TMEM132B: variants seen among roughly 807,000 people sequenced by gnomAD.
TMEM132B encodes transmembrane protein 132B.
A neutral mutation model predicts 90.8 loss-of-function variants in TMEM132B; 18 were observed. The ratio of observed to expected loss-of-function variants is 0.20; its 90% confidence interval spans 0.14 to 0.29. The LOEUF is 0.29. TMEM132B is among the 10% of genes least tolerant of loss of function. TMEM132B has a pLI of 1.00. For synonymous variants in TMEM132B, 504 were observed against 523.3 expected, an observed-to-expected ratio of 0.96 and a Z score of 0.50; for missense variants, 1,096 against 1,326.8, an observed-to-expected ratio of 0.83 and a Z score of 2.70.
chr12:125,633,999 G>A (rs1886424392), intron 5 of TMEM132B, among the ~76,000 whole-genome samples: 1 of 152,192 alleles, frequency 6.6e-6, no homozygotes, highest in Non-Finnish European at 1.5e-5. Flanking sequence ...CCAGGTTGGT[G>A]CCCTTCCCTT....
intron 5 of TMEM132B, among the ~76,000 whole-genome samples, chr12:125,642,753 G>T (rs1322306727): frequency 6.6e-6 from 1 of 152,214 alleles, no homozygotes; most frequent in African/African-American, 2.4e-5. Flanking sequence ...GATTCCTAAA[G>T]ACGTCATTGG....
At chr12:125,345,284 CA>C (rs1877320134) in intron 1 of TMEM132B, among the ~76,000 whole-genome samples, 2 of 152,146 alleles carry the variant, frequency 1.3e-5, no homozygotes, top group African/African-American at 4.8e-5. Flanking sequence ...CCAGTAGCCA[CA>C]AGACTGGCAA....
At chr12:125,243,709 C>T (rs576859889) in intron 1 of TMEM132B, among the ~76,000 whole-genome samples, 2 of 152,198 alleles carry the variant, frequency 1.3e-5, no homozygotes, top group Non-Finnish European at 2.9e-5. Flanking sequence ...CCTTTCCCCC[C>T]ATCCCTCTTC....
At chr12:125,344,575 G>C (rs920569152) in intron 1 of TMEM132B, among the ~76,000 whole-genome samples, 2 of 152,108 alleles carry the variant, frequency 1.3e-5, no homozygotes, top group African/African-American at 4.8e-5. Context: ...GCAGGGAAGA[G>C]ACACAGGGTG....
chr12:125,441,679 G>C (rs577246499), intron 3 of TMEM132B, among the ~76,000 whole-genome samples: 1 of 152,144 alleles, frequency 6.6e-6, no homozygotes, highest in Admixed American at 6.5e-5. Context: ...GGGGAAAGAG[G>C]CTTTTTAAAA....
intron 4 of TMEM132B, among the ~76,000 whole-genome samples, chr12:125,543,923 CA>C (rs34505496): frequency 0.073 from 11,097 of 152,110 alleles, 550 homozygotes; most frequent in South Asian, 0.15. Flanking sequence ...GCACTATTTG[CA>C]ATAGCAAAGA....
chr12:125,599,429 A>G (rs779831905), intron 5 of TMEM132B, among the ~76,000 whole-genome samples: 2 of 152,154 alleles, frequency 1.3e-5, no homozygotes, highest in Non-Finnish European at 2.9e-5. Context: ...AATCTTTCCA[A>G]CCATCTTTGT....
intron 5 of TMEM132B, among the ~76,000 whole-genome samples, chr12:125,612,902 A>G (rs1885875270): frequency 1.5e-5 from 1 of 68,580 alleles, no homozygotes; most frequent in Non-Finnish European, 2.4e-5. Context: ...TTGTATAAAA[A>G]TATATATCAT....
At chr12:125,411,071 AGTGAGTGGAGTGGAGTGGAGGAGT>A (rs1298141661) in intron 2 of TMEM132B, among the ~76,000 whole-genome samples, 1 of 3,778 alleles carries the variant, frequency 2.6e-4, no homozygotes. Flanking sequence ...GAGTGAGTGG[AGTGAGTGGAGTGGAGTGGAGGAGT>A]GGAGTGGAGT....
intron 3 of TMEM132B, among the ~76,000 whole-genome samples, chr12:125,430,250 G>A (rs1244174446): frequency 6.6e-6 from 1 of 152,194 alleles, no homozygotes; most frequent in East Asian, 1.9e-4. Context: ...CCGTAGCTGT[G>A]GGGTTGTCGG....
intron 4 of TMEM132B, among the ~76,000 whole-genome samples, chr12:125,577,235 A>G (rs1884961023): frequency 6.6e-6 from 1 of 151,042 alleles, no homozygotes; most frequent in Non-Finnish European, 1.5e-5. Context: ...CTTTTTATGA[A>G]TTTGCTCTTT....
At position 125,536,553 on chromosome 12, in the gene TMEM132B, C is replaced by A. The variant is rs144499097; in HGVS notation, c.1293+16928C>A. On this transcript the variant is annotated intron_variant, in intron 4 of 8. Transcript: ENST00000682704. Reference sequence around the variant, plus strand: ...AGTCAATGATGGTGCCCACCTCACACACTGGTTGTGAGGATTAAACAAGTT... The same window carrying A: ...AGTCAATGATGGTGCCCACCTCACAAACTGGTTGTGAGGATTAAACAAGTT... Among the ~76,000 whole-genome samples, 599 of 152,358 alleles carry A rather than the reference C, an allele frequency of 3.9e-3. 2 individuals carry two copies. Among genetic ancestry groups the A allele is most frequent in the Non-Finnish European group, 6.8e-3 (466 of 68,034 alleles).
At chr12:125,515,331 AAC>A (rs1302842184) in intron 3 of TMEM132B, among the ~76,000 whole-genome samples, 4 of 151,436 alleles carry the variant, frequency 2.6e-5, no homozygotes, top group African/African-American at 4.8e-5. Context: ...TTACAGAAAC[AAC>A]ACATTCTGTC....
intron 1 of TMEM132B, among the ~76,000 whole-genome samples, chr12:125,223,589 A>G (rs948558068): frequency 2.0e-5 from 3 of 152,220 alleles, no homozygotes; most frequent in African/African-American, 7.2e-5. Context: ...ATATTTTGCA[A>G]CCATCACCAC....
chr12:125,308,439 A>G (rs900283706), intron 1 of TMEM132B, among the ~76,000 whole-genome samples: 8 of 152,060 alleles, frequency 5.3e-5, no homozygotes, highest in Non-Finnish European at 1.2e-4. Flanking sequence ...ATTATGAGCA[A>G]TGCTTGGCTA....
At chr12:125,451,976 G>A (rs1191876776) in intron 3 of TMEM132B, among the ~76,000 whole-genome samples, 1 of 152,196 alleles carries the variant, frequency 6.6e-6, no homozygotes, top group African/African-American at 2.4e-5. Context: ...TTGGGGGAAG[G>A]ATGTTGAAAG....
chr12:125,318,825 C>T (rs192422824), intron 1 of TMEM132B, among the ~76,000 whole-genome samples: 1 of 152,090 alleles, frequency 6.6e-6, no homozygotes, highest in East Asian at 1.9e-4. Flanking sequence ...GATGGTTGGT[C>T]CAGGTATGTT....
At chr12:125,207,665 C>T (rs1031427288) in intron 1 of TMEM132B, among the ~76,000 whole-genome samples, 1 of 152,192 alleles carries the variant, frequency 6.6e-6, no homozygotes, top group Non-Finnish European at 1.5e-5. Flanking sequence ...ATCCAACCAT[C>T]GCCGCCATCC....
chr12:125,563,056 G>A (rs984989323), intron 4 of TMEM132B, among the ~76,000 whole-genome samples: 4 of 151,752 alleles, frequency 2.6e-5, no homozygotes, highest in Non-Finnish European at 4.4e-5. Context: ...ACACTGTTAA[G>A]TTTGCATCTC....
Sources: gnomAD v4.1 joint callset for allele counts (sites outside exome capture counted in the v4.1 genomes callset) on GRCh38, gnomAD v4.1.1 for gene constraint, MANE v1.5 for transcripts, NCBI Gene and HGNC (gene_info 2026-07-23, HGNC 2026-07-21) for gene names.